The following ACTR3C variants were observed in gnomAD, a reference collection of about 807,000 sequenced individuals.
ACTR3C encodes actin-related protein 3C.
ACTR3C carries 18 observed loss-of-function variants against 26.3 expected under a neutral mutation model. The ratio of observed to expected loss-of-function variants is 0.68; its 90% confidence interval spans 0.47 to 1.01. The LOEUF is 1.01. Among genes scored for constraint, ACTR3C ranks in the 50% least tolerant of loss-of-function variants. The pLI is 0.00. For synonymous variants in ACTR3C, 55 were observed against 94.5 expected, an observed-to-expected ratio of 0.58 and a Z score of 2.42; for missense variants, 184 against 250.7, an observed-to-expected ratio of 0.73 and a Z score of 1.80.
At chr7:150,142,561 C>T in the ACTR3C span, among the ~76,000 whole-genome samples, 5 of 152,190 alleles carry the variant, frequency 3.3e-5, no homozygotes, top group East Asian at 5.8e-4. Flanking sequence ...TGGAGTCTCA[C>T]TCCGTCGCCC....
chr7:150,043,874 C>A, the ACTR3C span, among the ~76,000 whole-genome samples: 12 of 151,950 alleles, frequency 7.9e-5, no homozygotes, highest in Non-Finnish European at 1.3e-4. Context: ...TTGATAGATC[C>A]CAAGGACACA....
chr7:150,111,833 T>C, the ACTR3C span, among the ~76,000 whole-genome samples: 1 of 147,910 alleles, frequency 6.8e-6, no homozygotes, highest in Non-Finnish European at 1.5e-5. Context: ...GCTAATCCCT[T>C]TTTCTGCGCG....
At chr7:150,221,136 G>A in the ACTR3C span, among the ~76,000 whole-genome samples, 1 of 152,270 alleles carries the variant, frequency 6.6e-6, no homozygotes, top group Non-Finnish European at 1.5e-5. Flanking sequence ...AGTTGAGCAG[G>A]CGCTGCGCGC....
chr7:150,167,195 A>G, the ACTR3C span, among the ~76,000 whole-genome samples: 1 of 150,686 alleles, frequency 6.6e-6, no homozygotes, highest in East Asian at 1.9e-4. Context: ...TTACAGGATC[A>G]TATGACAGAT....
the ACTR3C span, among the ~76,000 whole-genome samples, chr7:149,969,141 GA>G: frequency 6.6e-6 from 1 of 152,222 alleles, no homozygotes; most frequent in African/African-American, 2.4e-5. Context: ...TGAAATGAGG[GA>G]ACAGCTGAGA....
At chr7:149,995,537 A>G in the ACTR3C span, among the ~76,000 whole-genome samples, 1 of 152,288 alleles carries the variant, frequency 6.6e-6, no homozygotes, top group African/African-American at 2.4e-5. Context: ...TCCAGACTGC[A>G]GAGAAAGCTG....
the ACTR3C span, among the ~76,000 whole-genome samples, chr7:150,132,730 C>A: frequency 1.3e-5 from 2 of 152,104 alleles, no homozygotes; most frequent in Admixed American, 1.3e-4. Context: ...ACCATTTGAC[C>A]CAGCAATCCC....
At chr7:150,145,027 T>G in the ACTR3C span, among the ~76,000 whole-genome samples, 22,016 of 110,276 alleles carry the variant, frequency 0.2, 1,371 homozygotes, top group East Asian at 0.37. Context: ...TCCAGCCTGG[T>G]GGACAGTGCG....
chr7:150,149,079 GTATATA>G, the ACTR3C span, among the ~76,000 whole-genome samples: 1,782 of 92,594 alleles, frequency 0.019, 56 homozygotes, highest in Non-Finnish European at 0.021. Flanking sequence ...TAAAGTTTGA[GTATATA>G]TATATATATA....
chr7:150,211,432 C>A, the ACTR3C span, among the ~76,000 whole-genome samples: 1 of 151,862 alleles, frequency 6.6e-6, no homozygotes, highest in Non-Finnish European at 1.5e-5. Context: ...CAGGCATGCA[C>A]CACCGTGCCT....
chr7:150,027,840 A>C, the ACTR3C span, among the ~76,000 whole-genome samples: 1 of 152,126 alleles, frequency 6.6e-6, no homozygotes, highest in Non-Finnish European at 1.5e-5. Flanking sequence ...AAATATAAAT[A>C]ATGGGCCAAA....
chr7:150,284,321 G>A (rs1835583566), intron 6 of ACTR3C, among the ~76,000 whole-genome samples: 1 of 152,132 alleles, frequency 6.6e-6, no homozygotes, highest in Non-Finnish European at 1.5e-5. Flanking sequence ...CGGGTGGATT[G>A]CCTGAGCTCA....
chr7:150,229,541 G>C, the ACTR3C span, among the ~76,000 whole-genome samples: 3 of 151,848 alleles, frequency 2.0e-5, no homozygotes, highest in Non-Finnish European at 4.4e-5. Context: ...CTGGAGTGCA[G>C]TGGTGAGATC....
At chr7:150,257,840 G>A (rs947689356) in intron 6 of ACTR3C, among the ~76,000 whole-genome samples, 1 of 152,078 alleles carries the variant, frequency 6.6e-6, no homozygotes, top group Admixed American at 6.5e-5. Context: ...AGAATGTGCT[G>A]GGAGAGGGGC....
At chr7:150,137,469 T>A in the ACTR3C span, among the ~76,000 whole-genome samples, 2 of 152,220 alleles carry the variant, frequency 1.3e-5, no homozygotes, top group Admixed American at 6.5e-5. Context: ...TCAACTCCCC[T>A]ACCCTTGGAC....
chr7:150,001,419 G>A, the ACTR3C span: 4 of 152,416 alleles, frequency 2.6e-5, no homozygotes, highest in Non-Finnish European at 4.4e-5. Flanking sequence ...CGTTCCTCCT[G>A]TGGAGACGTT....
At chr7:150,026,487 A>T in the ACTR3C span, among the ~76,000 whole-genome samples, 1 of 152,146 alleles carries the variant, frequency 6.6e-6, no homozygotes, top group Non-Finnish European at 1.5e-5. Context: ...TCTTTATATA[A>T]TACAGTTCAT....
chr7:149,917,635 C>CTTTTT, the ACTR3C span, among the ~76,000 whole-genome samples: 12,098 of 93,486 alleles, frequency 0.13, 1,485 homozygotes, highest in East Asian at 0.18. Flanking sequence ...TGTTTTACAT[C>CTTTTT]TTTTTTTTTT....
At chr7:149,979,133 C>T in the ACTR3C span, among the ~76,000 whole-genome samples, 1 of 152,214 alleles carries the variant, frequency 6.6e-6, no homozygotes, top group Non-Finnish European at 1.5e-5. Flanking sequence ...AGCAAATGAT[C>T]AGTTAATTTA....
Sources: gnomAD v4.1 joint callset for allele counts (sites outside exome capture counted in the v4.1 genomes callset) on GRCh38, gnomAD v4.1.1 for gene constraint, MANE v1.5 for transcripts, NCBI Gene and HGNC (gene_info 2026-07-23, HGNC 2026-07-21) for gene names.